PRKCE: variants seen among roughly 807,000 people sequenced by gnomAD.
The protein encoded by PRKCE is protein kinase C epsilon, also known as protein kinase C epsilon type.
A neutral mutation model predicts 85.4 loss-of-function variants in PRKCE; 16 were observed. That is an observed-to-expected ratio of 0.19 (90% CI 0.13 to 0.28). The LOEUF (loss-of-function observed/expected upper bound fraction) is 0.28. PRKCE is among the 10% of genes least tolerant of loss of function. The pLI is 1.00. For missense variants in PRKCE, 573 were observed against 975.2 expected, an observed-to-expected ratio of 0.59 and a Z score of 5.49; for synonymous variants, 388 against 371.5, an observed-to-expected ratio of 1.04 and a Z score of -0.51.
At chr2:46,121,052 C>T (rs1673268955) in intron 11 of PRKCE, among the ~76,000 whole-genome samples, 1 of 152,204 alleles carries the variant, frequency 6.6e-6, no homozygotes, top group African/African-American at 2.4e-5. Context: ...GCATAGGAGC[C>T]TTTTGGACTA....
chr2:45,756,814 G>C (rs1558637636), intron 1 of PRKCE, among the ~76,000 whole-genome samples: 1 of 152,204 alleles, frequency 6.6e-6, no homozygotes. Context: ...TCAGGATGGA[G>C]GTTGTGTGGG....
intron 1 of PRKCE, among the ~76,000 whole-genome samples, chr2:45,734,025 G>A (rs912995673): frequency 6.6e-6 from 1 of 152,194 alleles, no homozygotes; most frequent in Non-Finnish European, 1.5e-5. Flanking sequence ...CACCATGTGG[G>A]CTGCGCAGTT....
rs1702458015 is a variant in PRKCE at position 45,976,417 on chromosome 2, G to T, written c.413-12G>T. ...AGACTCCGTTTTCTTCCCTGCTCTT[G>T]TCCTTCCCCAGCCCCTAAAGACAAT... On this transcript the variant is annotated splice_polypyrimidine_tract_variant and intron_variant, in intron 2 of 14. Transcript: ENST00000306156. 1 of 1,598,620 alleles carries T rather than the reference G, an allele frequency of 6.3e-7. No individual in the cohort carries two copies. Among genetic ancestry groups the T allele is most frequent in the Admixed American group, 1.7e-5 (1 of 59,970 alleles).
intron 1 of PRKCE, among the ~76,000 whole-genome samples, chr2:45,812,568 G>A (rs1688729421): frequency 6.6e-6 from 1 of 152,204 alleles, no homozygotes; most frequent in Admixed American, 6.5e-5. Flanking sequence ...TGCAGTGGGA[G>A]TAATATTAGT....
intron 6 of PRKCE, among the ~76,000 whole-genome samples, chr2:45,988,338 C>G (rs1343723399): frequency 6.6e-6 from 1 of 152,226 alleles, no homozygotes; most frequent in East Asian, 1.9e-4. Flanking sequence ...GTCACTCTTT[C>G]TCCAGTCTAA....
intron 10 of PRKCE, among the ~76,000 whole-genome samples, chr2:46,052,994 A>C (rs1287753400): frequency 6.6e-6 from 1 of 152,250 alleles, no homozygotes; most frequent in Non-Finnish European, 1.5e-5. Context: ...TATAAACCTA[A>C]ACGTAAGAGC....
rs149566679 is a variant in PRKCE, at chr2:45,664,584, T to C, written c.348+12136T>C. 1.2e-4 allele frequency among the ~76,000 whole-genome samples: 18 copies of C among 152,328 alleles called. 1 individual carries two copies. The East Asian group carries it at 3.5e-3, about 29-fold the overall frequency. ...AGCAACAGGAGTTGGGTTTGCTATA[T>C]TCCAAGTGTACAGAACTACAATTTC... On this transcript the variant is annotated intron_variant, in intron 1 of 14. Coordinates refer to ENST00000306156, the MANE Select transcript of PRKCE (RefSeq NM_005400.3).
At position 46,187,252 on chromosome 2, in the gene PRKCE, A is replaced by C. The variant is rs1192381816; in HGVS notation, c.*2371A>C. ...GGAACTGGGCCTTTCCTACAGGACA[A>C]CTGGCAAGTTTGCTGGGAAGTCAAA... On this transcript the variant is annotated 3_prime_UTR_variant, in exon 15 of 15. Transcript: ENST00000306156. The C allele has an allele frequency of 6.6e-6, 1 of 152,576 alleles. No homozygotes were observed. The highest frequency in any genetic ancestry group is 1.5e-5 in the Non-Finnish European group (1 of 68,040). 9.5% of individuals were successfully genotyped at this position (152,576 alleles called of 1,614,324 possible).
At chr2:45,683,755 G>C (rs1677080340) in intron 1 of PRKCE, among the ~76,000 whole-genome samples, 1 of 152,144 alleles carries the variant, frequency 6.6e-6, no homozygotes, top group Admixed American at 6.5e-5. Context: ...AAGATAAACG[G>C]TCCCAGGCAG....
chr2:45,925,310 T>TATTC (rs1379130198), intron 2 of PRKCE, among the ~76,000 whole-genome samples: 1 of 117,016 alleles, frequency 8.5e-6, no homozygotes, highest in African/African-American at 3.3e-5. Context: ...TTTATTTATT[T>TATTC]ATTTTTGAGA....
At chr2:45,678,884 C>T (rs1003409446) in intron 1 of PRKCE, among the ~76,000 whole-genome samples, 4 of 152,136 alleles carry the variant, frequency 2.6e-5, no homozygotes, top group Non-Finnish European at 5.9e-5. Flanking sequence ...CCATTAACTT[C>T]TACTATCACT....
intron 2 of PRKCE, among the ~76,000 whole-genome samples, chr2:45,959,420 T>C (rs1279592301): frequency 6.6e-6 from 1 of 152,238 alleles, no homozygotes; most frequent in African/African-American, 2.4e-5. Context: ...TTGAACCTTT[T>C]ACTTCAGATT....
intron 2 of PRKCE, among the ~76,000 whole-genome samples, chr2:45,893,002 T>C (rs574087221): frequency 1.8e-4 from 27 of 152,238 alleles, no homozygotes; most frequent in African/African-American, 5.8e-4. Context: ...ACTTTCCCAT[T>C]GCCTCATTCC....
At chr2:46,144,954 G>C in intron 11 of PRKCE, 139 bp from the exon 12 acceptor site, 1 of 1,280,766 alleles carries the variant, frequency 7.8e-7, no homozygotes, top group Non-Finnish European at 1.1e-6. Context: ...CCTGGACTGA[G>C]ATGGGTTTCA....
intron 2 of PRKCE, among the ~76,000 whole-genome samples, chr2:45,875,848 C>T (rs1419706459): frequency 1.3e-5 from 2 of 152,164 alleles, no homozygotes; most frequent in Non-Finnish European, 2.9e-5. Context: ...TGATGGATCT[C>T]CTCCTACTTG....
At chr2:46,175,547 G>C (rs1679338468) in intron 14 of PRKCE, among the ~76,000 whole-genome samples, 1 of 152,240 alleles carries the variant, frequency 6.6e-6, no homozygotes, top group Non-Finnish European at 1.5e-5. Flanking sequence ...TTTTATGGAT[G>C]AGAAAATGGC....
At chr2:46,043,146 C>T (rs780383431) in intron 10 of PRKCE, among the ~76,000 whole-genome samples, 7 of 151,522 alleles carry the variant, frequency 4.6e-5, no homozygotes, top group Admixed American at 1.3e-4. Flanking sequence ...GGATTATTAC[C>T]GATCCTTGTG....
At chr2:46,164,474 C>A (rs963232973) in intron 14 of PRKCE, among the ~76,000 whole-genome samples, 6 of 152,250 alleles carry the variant, frequency 3.9e-5, no homozygotes, top group African/African-American at 1.4e-4. Flanking sequence ...TCGTGTGTTA[C>A]CTCCACTTGC....
chr2:45,727,184 C>T lies in PRKCE; in HGVS notation c.348+74736C>T, dbSNP rs1027135772. Among the ~76,000 whole-genome samples, 18 of 152,236 alleles carry T rather than the reference C, an allele frequency of 1.2e-4. No homozygotes were observed. In the Middle Eastern group the frequency reaches 0.01, roughly 86 times the overall value. Reference sequence around the variant, plus strand: ...GTTAGGCAAATGATGCAGTCTTCTCCGGAGTAGAAAACTGTGTAGACAAGA... The same window carrying T: ...GTTAGGCAAATGATGCAGTCTTCTCTGGAGTAGAAAACTGTGTAGACAAGA... On this transcript the variant is annotated intron_variant, in intron 1 of 14. Coordinates refer to ENST00000306156, the MANE Select transcript of PRKCE (RefSeq NM_005400.3).
Sources: allele counts gnomAD v4.1 joint callset (sites outside exome capture counted in the v4.1 genomes callset), GRCh38; gene constraint gnomAD v4.1.1; transcripts MANE v1.5; gene names NCBI Gene and HGNC (gene_info 2026-07-23, HGNC 2026-07-21).